PARD3B: variants seen among roughly 807,000 people sequenced by gnomAD.
PARD3B encodes par-3 family cell polarity regulator beta.
A neutral mutation model predicts 130.2 loss-of-function variants in PARD3B; 103 were observed. That is an observed-to-expected ratio of 0.79 (90% CI 0.67 to 0.93). The LOEUF (loss-of-function observed/expected upper bound fraction) is 0.93. Among genes scored for constraint, PARD3B ranks in the 40% least tolerant of loss-of-function variants. The probability of loss-of-function intolerance (pLI) is 0.00; values close to 1 mark genes in which losing one functional copy is unlikely to be tolerated. For synonymous variants in PARD3B, 583 were observed against 553.2 expected, an observed-to-expected ratio of 1.05 and a Z score of -0.76; for missense variants, 1,609 against 1,499.2, an observed-to-expected ratio of 1.07 and a Z score of -1.21.
intron 14 of PARD3B, among the ~76,000 whole-genome samples, chr2:205,188,739 GC>G (rs2036230146): frequency 6.8e-6 from 1 of 146,800 alleles, no homozygotes; most frequent in Non-Finnish European, 1.5e-5. Context: ...CTGGAAGGGA[GC>G]CAGGAGGATT....
rs1393122202 is a variant in PARD3B, at chr2:204,610,627, T to C, written c.120+64508T>C. 3.3e-5 allele frequency among the ~76,000 whole-genome samples: 5 copies of C among 152,196 alleles called. No individual in the cohort carries two copies. The highest frequency in any genetic ancestry group is 9.6e-5 in the African/African-American group (4 of 41,458). ...CACCCGCATTGGCCTCCCAAAGTGC[T>C]GGGATTACAGGCAGGAGCCACCGTG... On this transcript the variant is annotated intron_variant, in intron 1 of 22. Transcript: ENST00000406610. This position sits in a 1 kb window ranked among gnomAD's most constrained non-coding sequence, Gnocchi z 4.1.
chr2:205,075,023 C>T (rs186357219), intron 4 of PARD3B, among the ~76,000 whole-genome samples: 14 of 152,230 alleles, frequency 9.2e-5, no homozygotes, highest in Non-Finnish European at 2.9e-5. Context: ...GCAAAAATTG[C>T]AATGGGTACA....
At chr2:204,701,028 A>C (rs1371608405) in intron 2 of PARD3B, among the ~76,000 whole-genome samples, 1 of 152,126 alleles carries the variant, frequency 6.6e-6, no homozygotes, top group Non-Finnish European at 1.5e-5. Context: ...TCTTTTGTAT[A>C]TGTATTGAAG....
chr2:204,550,914 G>C (rs1430281167), intron 1 of PARD3B, among the ~76,000 whole-genome samples: 1 of 152,188 alleles, frequency 6.6e-6, no homozygotes, highest in Non-Finnish European at 1.5e-5. Context: ...TACCTAAATA[G>C]ATTTTAAGGT....
intron 13 of PARD3B, among the ~76,000 whole-genome samples, chr2:205,182,107 A>T (rs1407721831): frequency 2.6e-5 from 4 of 152,220 alleles, no homozygotes; most frequent in Admixed American, 2.6e-4. Flanking sequence ...CCTGGCTAAC[A>T]CAGTGAAATC....
chr2:204,773,966 C>G (rs576958728), intron 2 of PARD3B, among the ~76,000 whole-genome samples: 1 of 152,146 alleles, frequency 6.6e-6, no homozygotes, highest in East Asian at 1.9e-4. Flanking sequence ...CCTCATTTTT[C>G]ATTCCTTTTC....
At chr2:204,798,958 T>C (rs1031651528) in intron 2 of PARD3B, among the ~76,000 whole-genome samples, 1 of 151,914 alleles carries the variant, frequency 6.6e-6, no homozygotes, top group Admixed American at 6.6e-5. Flanking sequence ...CATTCCCGCC[T>C]TTCTTGGCCA....
intron 18 of PARD3B, among the ~76,000 whole-genome samples, chr2:205,365,186 G>T (rs1307805763): frequency 7.8e-6 from 1 of 127,518 alleles, no homozygotes; most frequent in Admixed American, 9.5e-5. Flanking sequence ...GGAGACAAGA[G>T]TAAAACTCCG....
At chr2:205,378,234 GAA>G (rs2045145913) in intron 18 of PARD3B, among the ~76,000 whole-genome samples, 1 of 152,156 alleles carries the variant, frequency 6.6e-6, no homozygotes, top group Admixed American at 6.5e-5. Flanking sequence ...CAAAAGCCAG[GAA>G]GAGAGGATGC....
intron 15 of PARD3B, among the ~76,000 whole-genome samples, chr2:205,212,065 G>C (rs965233201): frequency 6.6e-6 from 1 of 152,014 alleles, no homozygotes; most frequent in Non-Finnish European, 1.5e-5. Flanking sequence ...AATGATCTCA[G>C]TGCTTTCTCT....
At chr2:204,718,200 G>A (rs1434094032) in intron 2 of PARD3B, among the ~76,000 whole-genome samples, 1 of 152,012 alleles carries the variant, frequency 6.6e-6, no homozygotes, top group Non-Finnish European at 1.5e-5. Context: ...TGGGAGGAGT[G>A]TCTATATGCT....
intron 22 of PARD3B, among the ~76,000 whole-genome samples, chr2:205,578,654 G>A (rs1326807659): frequency 6.6e-6 from 1 of 152,174 alleles, no homozygotes. Context: ...GTGTCAAAAT[G>A]GACTGGCCCA....
intron 2 of PARD3B, among the ~76,000 whole-genome samples, chr2:204,762,150 C>CCA (rs1429031069): frequency 1.2e-5 from 1 of 86,826 alleles, no homozygotes; most frequent in East Asian, 4.0e-4. Context: ...GAGATGGAAT[C>CCA]TTGCTCTGTC....
intron 18 of PARD3B, among the ~76,000 whole-genome samples, chr2:205,337,102 A>G (rs1045266089): frequency 2.0e-5 from 3 of 152,168 alleles, no homozygotes; most frequent in Admixed American, 6.5e-5. Context: ...GTGGCTTCCT[A>G]ATTAGATAAC....
intron 1 of PARD3B, among the ~76,000 whole-genome samples, chr2:204,631,806 A>T (rs1276524657): frequency 5.3e-5 from 8 of 152,122 alleles, no homozygotes; most frequent in Admixed American, 5.2e-4. Context: ...GGTGGTAACA[A>T]ATTCCCTCAG....
At chr2:205,056,831 CT>C (rs1331228219) in intron 4 of PARD3B, among the ~76,000 whole-genome samples, 1 of 151,368 alleles carries the variant, frequency 6.6e-6, no homozygotes, top group African/African-American at 2.4e-5. Flanking sequence ...AAATTGTCTC[CT>C]TTTTATCTGC....
intron 21 of PARD3B, among the ~76,000 whole-genome samples, chr2:205,510,166 TGA>T (rs2050535401): frequency 6.6e-6 from 1 of 152,150 alleles, no homozygotes; most frequent in Admixed American, 6.5e-5. Context: ...CCTTTAAAAG[TGA>T]GAGAATAGTA....
chr2:205,595,101 T>G (rs2054521226), intron 22 of PARD3B, among the ~76,000 whole-genome samples: 1 of 152,054 alleles, frequency 6.6e-6, no homozygotes. Context: ...ACACATGAGG[T>G]TATTGAGGCT....
At chr2:204,726,211 A>C (rs2039220033) in intron 2 of PARD3B, among the ~76,000 whole-genome samples, 1 of 152,194 alleles carries the variant, frequency 6.6e-6, no homozygotes, top group African/African-American at 2.4e-5. Flanking sequence ...AAAGGAATGT[A>C]CCTTTTCTTA....
Sources: gnomAD v4.1 joint callset for allele counts (sites outside exome capture counted in the v4.1 genomes callset) on GRCh38, gnomAD v4.1.1 for gene constraint, Gnocchi (gnomAD v3.1) non-coding constraint, MANE v1.5 for transcripts, NCBI Gene and HGNC (gene_info 2026-07-23, HGNC 2026-07-21) for gene names.